GRIK5: variants seen among roughly 807,000 people sequenced by gnomAD.
GRIK5 encodes the protein glutamate ionotropic receptor kainate type subunit 5, also known as glutamate receptor ionotropic, kainate 5.
GRIK5 carries 43 observed loss-of-function variants against 97.4 expected under a neutral mutation model. The ratio of observed to expected loss-of-function variants is 0.44; its 90% CI spans 0.35 to 0.57. The LOEUF (loss-of-function observed/expected upper bound fraction) is 0.57. Ranked by LOEUF, GRIK5 falls within the 20% of genes least tolerant of loss-of-function variation. GRIK5 has a pLI of 0.01. For missense variants in GRIK5, 1,015 were observed against 1,382.0 expected (o/e 0.73, Z 4.21); for synonymous variants, 580 against 583.5 (o/e 0.99, Z 0.09).
At position 42,002,354 on chromosome 19, in the gene GRIK5, T is replaced by C. The variant is rs1183936163; in HGVS notation, c.2514+978A>G. 1.4e-6 allele frequency: 1 copy of C among 717,484 alleles called. No homozygotes were observed. Among genetic ancestry groups the C allele is most frequent in the Non-Finnish European group, 2.6e-6 (1 of 385,112 alleles). 44.4% of individuals were successfully genotyped at this position (717,484 alleles called of 1,614,324 possible). On this transcript the variant is annotated intron_variant, in intron 19 of 19. Transcript: ENST00000593562. The surrounding 1 kb of genome is among the most constrained non-coding windows in gnomAD (Gnocchi z 5.2). ...AAATGACAGCATATTTGTACGTTGG[T>C]GGCCTGAATCCAATAAAGAGAGGAC...
chr19:42,045,487 A>G (rs1187178676), intron 11 of GRIK5, among the ~76,000 whole-genome samples: 2 of 152,116 alleles, frequency 1.3e-5, no homozygotes, highest in East Asian at 3.9e-4. Context: ...CACTAAGTTG[A>G]CCCACGGAAT....
intron 11 of GRIK5, among the ~76,000 whole-genome samples, chr19:42,045,474 A>T (rs955657053): frequency 2.6e-5 from 4 of 152,192 alleles, no homozygotes; most frequent in Admixed American, 2.6e-4. Context: ...CCAGCCAAAG[A>T]ACCACTAAGT....
chr19:41,999,042 G>C lies in GRIK5; in HGVS notation c.2772C>G (p.Pro924=). ...GPPSGARPAA[P]TPCTHVRVCQ... is the part of the protein sequence containing the mutation. ...AGACGCGCACGTGGGTGCAGGGGGT[G>C]GGGGCGGCGGGTCGGGCTCCGCTGG... The change falls in exon 20 of 20, where the codon CCC becomes CCG. Residue 924 remains proline, a synonymous_variant. Transcript: ENST00000593562. The surrounding 1 kb of genome is among the most constrained non-coding windows in gnomAD (Gnocchi z 5.0). 8.1e-7 allele frequency: 1 copy of C among 1,236,696 alleles called. No homozygotes were observed. The highest frequency in any genetic ancestry group is 3.2e-4 in the Middle Eastern group (1 of 3,106). 76.6% of individuals were successfully genotyped at this position (1,236,696 alleles called of 1,614,324 possible). A position where few individuals can be genotyped will look rare whatever the true frequency, so the allele number is the denominator to read the frequency against.
At chr19:42,068,106 C>T (rs1224660673) in intron 1 of GRIK5, among the ~76,000 whole-genome samples, 2 of 151,958 alleles carry the variant, frequency 1.3e-5, no homozygotes, top group African/African-American at 2.4e-5. Context: ...GACAGTATGT[C>T]GGAGCTGCAC....
rs1555871638 is a variant in GRIK5, at chr19:42,003,588, G to A, written c.2359C>T (p.Arg787Trp). Residue 787 changes from arginine to tryptophan, a missense_variant, in exon 18 of 20, where the codon CGG (arginine) becomes TGG (tryptophan). Around this residue, in one of 5 missense-constraint regions of GRIK5, gnomAD observed 229 missense variants for 341.0 expected, o/e 0.67. Transcript: ENST00000593562. This position sits in a 1 kb window ranked among gnomAD's most constrained non-coding sequence, Gnocchi z 4.2. ...ILKRKWWEGG[R>W]CPKEEDHRAK... ...CGATGGTCCTCCTCCTTGGGGCACCGGCCCCCCTCCCACCACTTGCGCTTC... is the reference window on the plus strand; with the variant it reads ...CGATGGTCCTCCTCCTTGGGGCACCAGCCCCCCTCCCACCACTTGCGCTTC... 3.1e-6 allele frequency: 5 copies of A among 1,612,762 alleles called. No individual in the cohort carries two copies. The highest frequency in any genetic ancestry group is 2.2e-5 in the East Asian group (1 of 44,866).
At chr19:42,068,616 A>G in intron 1 of GRIK5, 1 of 424,458 alleles carries the variant, frequency 2.4e-6, no homozygotes, top group Non-Finnish European at 4.2e-6. Context: ...GGCACAGAAT[A>G]GAAAGAGAAA....
At chr19:42,039,984 GA>G (rs1025258131) in intron 12 of GRIK5, among the ~76,000 whole-genome samples, 122 of 140,988 alleles carry the variant, frequency 8.7e-4, no homozygotes, top group Middle Eastern at 3.6e-3. Context: ...AGTCTCAAAG[GA>G]AAAAAAAAAA....
At chr19:42,017,374 C>A (rs1447542511) in intron 15 of GRIK5, among the ~76,000 whole-genome samples, 2 of 152,164 alleles carry the variant, frequency 1.3e-5, no homozygotes, top group South Asian at 2.1e-4. Context: ...CCTGCTTTTT[C>A]CCCTTCATAT....
Position 42,042,397 on chromosome 19 carries a change from C to T in GRIK5, c.1473+155G>A, listed in dbSNP as rs916500073. 2.5e-4 allele frequency among the ~76,000 whole-genome samples: 38 copies of T among 152,210 alleles called. No individual in the cohort carries two copies. The highest frequency in any genetic ancestry group is 3.3e-4 in the Admixed American group (5 of 15,280). On this transcript the variant is annotated intron_variant, in intron 12 of 19. Transcript: ENST00000593562. This position sits in a 1 kb window ranked among gnomAD's most constrained non-coding sequence, Gnocchi z 6.9. Reference sequence around the variant, plus strand: ...GCACCCGCCAGGCACAGGCATACAGCGCAACATCAGTGAGGTGGTGTCAGG... The same window carrying T: ...GCACCCGCCAGGCACAGGCATACAGTGCAACATCAGTGAGGTGGTGTCAGG...
chr19:42,068,188 G>A (rs2076366189), intron 1 of GRIK5, among the ~76,000 whole-genome samples: 1 of 152,108 alleles, frequency 6.6e-6, no homozygotes, highest in Non-Finnish European at 1.5e-5. Flanking sequence ...GTCAGGGAGG[G>A]AAACTGAGGT....
chr19:42,029,547 C>T (rs1447822080), intron 12 of GRIK5, among the ~76,000 whole-genome samples: 2 of 152,118 alleles, frequency 1.3e-5, no homozygotes, highest in African/African-American at 4.8e-5. Context: ...CACTGCACTC[C>T]AGCCTGGGGG....
At chr19:42,036,361 CTATT>C (rs2075905220) in intron 12 of GRIK5, among the ~76,000 whole-genome samples, 1 of 141,274 alleles carries the variant, frequency 7.1e-6, no homozygotes, top group African/African-American at 2.7e-5. Flanking sequence ...TGTGCCCAGC[CTATT>C]TTTTTAAAAC....
At chr19:42,059,262 C>A in intron 6 of GRIK5, 87 bp downstream of exon 6, 1 of 1,033,992 alleles carries the variant, frequency 9.7e-7, no homozygotes, top group Non-Finnish European at 1.5e-6. Flanking sequence ...CTTTTGACTC[C>A]TGAGGCCCAT....
At chr19:42,024,199 C>G (rs991186799) in intron 12 of GRIK5, among the ~76,000 whole-genome samples, 15 of 151,510 alleles carry the variant, frequency 9.9e-5, no homozygotes, top group African/African-American at 3.6e-4. Context: ...GTCTCTCTCA[C>G]ATTCCCCATT....
In GRIK5 at chr19:42,069,850, G is replaced by A. The variant is rs1374559801; in HGVS notation, c.-660C>T. Reference sequence around the variant, plus strand: ...CCCACGGGAAAAGCATGCTGGGGGCGGGGAGAGCCCGGGAGTGGAGAGCTG... The same window carrying A: ...CCCACGGGAAAAGCATGCTGGGGGCAGGGAGAGCCCGGGAGTGGAGAGCTG... On this transcript the variant is annotated 5_prime_UTR_variant, in exon 1 of 20. Transcript: ENST00000593562. Among the ~76,000 whole-genome samples, 2 of 152,150 alleles carry A rather than the reference G, an allele frequency of 1.3e-5. No homozygotes were observed. The highest frequency in any genetic ancestry group is 2.4e-5 in the African/African-American group (1 of 41,444).
At chr19:42,044,407 G>A (rs142057929) in intron 11 of GRIK5, among the ~76,000 whole-genome samples, 10 of 152,184 alleles carry the variant, frequency 6.6e-5, no homozygotes, top group Non-Finnish European at 1.2e-4. Flanking sequence ...CCTACAGTCA[G>A]TTTGCCACAT....
At chr19:42,014,744 T>C (rs933926365) in intron 15 of GRIK5, among the ~76,000 whole-genome samples, 1 of 151,896 alleles carries the variant, frequency 6.6e-6, no homozygotes, top group Non-Finnish European at 1.5e-5. Context: ...GATCACACCA[T>C]TGCACTCCCC....
intron 5 of GRIK5, among the ~76,000 whole-genome samples, chr19:42,060,733 AC>A (rs1028544323): frequency 1.3e-5 from 2 of 151,514 alleles, no homozygotes; most frequent in African/African-American, 4.9e-5. Context: ...TTGGCCTAGA[AC>A]CCTCTCCTCT....
At position 42,021,883 on chromosome 19, in the gene GRIK5, G is replaced by A. The variant is rs185717121; in HGVS notation, c.1697+64C>T. ...AGTTCCGAGAGAGAAGAGGCAGGTC[G>A]GTCCCAGAGGCCTCGGCTCGTGCCT... is the stretch of plus-strand genomic sequence containing the variant. On this transcript the variant is annotated intron_variant, in intron 14 of 19. Coordinates refer to ENST00000593562, the MANE Select transcript of GRIK5 (RefSeq NM_002088.5). This position sits in a 1 kb window ranked among gnomAD's most constrained non-coding sequence, Gnocchi z 4.2. 37 of 1,029,184 alleles carry A rather than the reference G, an allele frequency of 3.6e-5. 1 individual carries two copies. The Admixed American group carries it at 4.1e-4, about 11-fold the overall frequency. 63.8% of individuals were successfully genotyped at this position (1,029,184 alleles called of 1,614,324 possible). A position where few individuals can be genotyped will look rare whatever the true frequency, so the allele number is the denominator to read the frequency against.
Sources: allele counts gnomAD v4.1 joint callset (sites outside exome capture counted in the v4.1 genomes callset), GRCh38; gene constraint gnomAD v4.1.1; regional missense constraint gnomAD v4.1.1; non-coding constraint Gnocchi (gnomAD v3.1); transcripts MANE v1.5; gene names NCBI Gene and HGNC (gene_info 2026-07-23, HGNC 2026-07-21).